The following TCF4 variants were observed in gnomAD, a reference collection of about 807,000 sequenced individuals.
The protein encoded by TCF4 is transcription factor 4, also known as SL3-3 enhancer factor 2.
A neutral mutation model predicts 82.1 loss-of-function variants in TCF4; 3 were observed. The ratio of observed to expected loss-of-function variants is 0.04; its 90% CI spans 0.02 to 0.09. The LOEUF (loss-of-function observed/expected upper bound fraction) is 0.09, where lower values mean the gene tolerates loss of function less well. Ranked by LOEUF, TCF4 falls within the 10% of genes least tolerant of loss-of-function variation. The pLI is 1.00. For synonymous variants in TCF4, 276 were observed against 309.6 expected, an observed-to-expected ratio of 0.89 and a Z score of 1.14; for missense variants, 518 against 852.7, an observed-to-expected ratio of 0.61 and a Z score of 4.89.
chr18:55,585,134 C>T, intron 3 of TCF4, 146 bp downstream of exon 3: 1 of 733,858 alleles, frequency 1.4e-6, no homozygotes, highest in South Asian at 1.6e-5. Flanking sequence ...TAAGTTATAC[C>T]ACTGATGGGT....
In TCF4 at chr18:55,490,944, A is replaced by C. The variant is rs111333450; in HGVS notation, c.146-26807T>G. The stretch of plus-strand genomic sequence containing the variant: ...GAAGATATTGGAACAGTATTAATGG[A>C]AAGGTTAAGAAAAAGCAAGGAGAAA... On this transcript the variant is annotated intron_variant, in intron 3 of 19. Transcript: ENST00000354452. Among the ~76,000 whole-genome samples, 739 of 152,318 alleles carry C rather than the reference A, an allele frequency of 4.9e-3. 2 individuals are homozygous for C. The highest frequency in any genetic ancestry group is 8.5e-3 in the Non-Finnish European group (581 of 68,030).
intron 3 of TCF4, among the ~76,000 whole-genome samples, chr18:55,511,403 A>C (rs775895313): frequency 6.6e-5 from 10 of 151,576 alleles, no homozygotes; most frequent in African/African-American, 2.4e-4. Flanking sequence ...TATTTTAATA[A>C]GGTATATGTT....
chr18:55,317,353 AT>A lies in TCF4; in HGVS notation c.549+33005del, dbSNP rs1458193845. 7.9e-5 allele frequency among the ~76,000 whole-genome samples: 12 copies of A among 152,090 alleles called. No individual in the cohort carries two copies. In the East Asian group the frequency reaches 1.5e-3, roughly 19 times the overall value. On this transcript the variant is annotated intron_variant, in intron 8 of 19. Coordinates refer to ENST00000354452, the MANE Select transcript of TCF4 (RefSeq NM_001083962.2). ...AGCAAGTAAACAGCAATTAAAAAAA[AT>A]AAAAGCATTTATACTGGCTGCTTTC...
At chr18:55,460,600 C>G (rs1274245211) in intron 5 of TCF4, among the ~76,000 whole-genome samples, 1 of 152,190 alleles carries the variant, frequency 6.6e-6, no homozygotes, top group Non-Finnish European at 1.5e-5. Context: ...CATTTATTTT[C>G]ATAACCCCTT....
intron 6 of TCF4, among the ~76,000 whole-genome samples, chr18:55,370,411 T>A (rs1307085723): frequency 6.7e-6 from 1 of 149,872 alleles, no homozygotes; most frequent in Non-Finnish European, 1.5e-5. Context: ...GGTAGGTATG[T>A]AGATAGATAG....
intron 13 of TCF4, among the ~76,000 whole-genome samples, chr18:55,258,614 A>G (rs992399212): frequency 6.6e-6 from 1 of 152,184 alleles, no homozygotes; most frequent in African/African-American, 2.4e-5. Flanking sequence ...ATCAGACTAC[A>G]TTAGTCGTTC....
chr18:55,320,547 T>A (rs931779873), intron 8 of TCF4, among the ~76,000 whole-genome samples: 3 of 152,238 alleles, frequency 2.0e-5, no homozygotes, highest in African/African-American at 4.8e-5. Flanking sequence ...TATGCATGCA[T>A]CTGTATGTAT....
chr18:55,446,737 T>C (rs1051534165), intron 5 of TCF4, among the ~76,000 whole-genome samples: 4 of 151,906 alleles, frequency 2.6e-5, no homozygotes, highest in African/African-American at 9.7e-5. Flanking sequence ...GTAATCCCAG[T>C]ACTTTGGGAG....
chr18:55,629,312 A>G (rs111744983), intron 2 of TCF4, among the ~76,000 whole-genome samples: 18 of 152,324 alleles, frequency 1.2e-4, no homozygotes, highest in Non-Finnish European at 2.9e-5. Context: ...CTGGCAAAGC[A>G]TTGGCTATTA....
intron 6 of TCF4, among the ~76,000 whole-genome samples, chr18:55,377,707 T>A (rs1282603404): frequency 6.6e-6 from 1 of 152,174 alleles, no homozygotes; most frequent in Non-Finnish European, 1.5e-5. Context: ...ACATCTATCA[T>A]CCTTTTAAAG....
At chr18:55,472,773 A>G (rs1035896651) in intron 3 of TCF4, among the ~76,000 whole-genome samples, 3 of 152,222 alleles carry the variant, frequency 2.0e-5, no homozygotes, top group African/African-American at 4.8e-5. Context: ...TCTAACTTCA[A>G]CATTACACAG....
At chr18:55,533,085 T>TCAAAA (rs747036485) in intron 3 of TCF4, among the ~76,000 whole-genome samples, 1 of 152,144 alleles carries the variant, frequency 6.6e-6, no homozygotes, top group Non-Finnish European at 1.5e-5. Context: ...AAAATGTGGT[T>TCAAAA]CAAAACAAAA....
At chr18:55,401,833 A>G in intron 6 of TCF4, 2 of 969,552 alleles carry the variant, frequency 2.1e-6, no homozygotes, top group Non-Finnish European at 2.5e-6. Context: ...ATGACCAGAA[A>G]AAGGGGCCCA....
chr18:55,403,819 G>A, intron 5 of TCF4: 1 of 1,496,442 alleles, frequency 6.7e-7, no homozygotes, highest in Non-Finnish European at 8.8e-7. Flanking sequence ...ACTTTCTCTT[G>A]CACAAAATTT....
At chr18:55,286,376 T>C (rs1244729034) in intron 8 of TCF4, among the ~76,000 whole-genome samples, 2 of 152,114 alleles carry the variant, frequency 1.3e-5, no homozygotes, top group African/African-American at 4.8e-5. Flanking sequence ...GTCTTGCCTC[T>C]TGGCGTCATC....
intron 11 of TCF4, chr18:55,265,013 T>A (rs1211591953): frequency 1.3e-5 from 2 of 152,212 alleles, no homozygotes; most frequent in Admixed American, 6.5e-5. Context: ...AGGTTTTGTA[T>A]CTTGGGTTAC....
chr18:55,463,945 C>T, intron 4 of TCF4, 131 bp downstream of exon 4: 1 of 704,440 alleles, frequency 1.4e-6, no homozygotes, highest in Admixed American at 2.4e-5. Flanking sequence ...CATGCCCATG[C>T]CTCTGTGTGT....
chr18:55,270,202 A>G (rs2060046258), intron 10 of TCF4, among the ~76,000 whole-genome samples: 1 of 152,164 alleles, frequency 6.6e-6, no homozygotes, highest in African/African-American at 2.4e-5. Flanking sequence ...AATGAGGGAC[A>G]TTGAGAAATG....
intron 3 of TCF4, among the ~76,000 whole-genome samples, chr18:55,502,590 C>T (rs958786472): frequency 2.6e-5 from 4 of 152,114 alleles, no homozygotes; most frequent in African/African-American, 9.7e-5. Flanking sequence ...TTTTGGGATG[C>T]CTTTTAAAGT....
Sources: gnomAD v4.1 joint callset for allele counts (sites outside exome capture counted in the v4.1 genomes callset) on GRCh38, gnomAD v4.1.1 for gene constraint, MANE v1.5 for transcripts, NCBI Gene and HGNC (gene_info 2026-07-23, HGNC 2026-07-21) for gene names.